NUCB2: variants seen among roughly 807,000 people sequenced by gnomAD.
NUCB2 encodes the protein nucleobindin 2.
A neutral mutation model predicts 57.9 loss-of-function variants in NUCB2; 48 were observed. The observed-to-expected ratio is 0.83, with a 90% CI of 0.66 to 1.05. The LOEUF is 1.05. NUCB2 is among the 50% of genes least tolerant of loss of function. The pLI is 0.00. For synonymous variants in NUCB2, 139 were observed against 152.1 expected (o/e 0.91, Z 0.64); for missense variants, 442 against 476.2 (o/e 0.93, Z 0.67).
At chr11:17,340,291 C>T (rs1423278005) in intron 2 of NUCB2, among the ~76,000 whole-genome samples, 7 of 152,270 alleles carry the variant, frequency 4.6e-5, no homozygotes, top group South Asian at 4.1e-4. Context: ...TTCTCCCATT[C>T]TGTAGGTTGC....
At chr11:17,312,446 CA>C (rs1948633410) in intron 10 of NUCB2, among the ~76,000 whole-genome samples, 1 of 151,594 alleles carries the variant, frequency 6.6e-6, no homozygotes, top group South Asian at 2.1e-4. Context: ...CTCTGTCATC[CA>C]AGTTGGAGTG....
intron 9 of NUCB2, 42 bp downstream of exon 9, chr11:17,311,972 CT>C (rs978386547): frequency 5.8e-6 from 9 of 1,541,342 alleles, no homozygotes; most frequent in South Asian, 1.2e-5. Context: ...TGTTCTCTCT[CT>C]TTTTTTCCTG....
intron 10 of NUCB2, among the ~76,000 whole-genome samples, chr11:17,314,596 A>G (rs1326268076): frequency 6.6e-6 from 1 of 152,164 alleles, no homozygotes; most frequent in East Asian, 1.9e-4. Context: ...GTCTGTGCTC[A>G]AATGTCCATG....
intron 2 of NUCB2, among the ~76,000 whole-genome samples, chr11:17,289,096 A>C (rs965120061): frequency 6.6e-6 from 1 of 151,532 alleles, no homozygotes; most frequent in Non-Finnish European, 1.5e-5. Context: ...AGCTAGGACT[A>C]CAGGCGTGTG....
In NUCB2 at chr11:17,321,537, A is replaced by G. The variant is rs182130462; in HGVS notation, c.1002+6062A>G. On this transcript the variant is annotated intron_variant, in intron 11 of 13. Coordinates refer to ENST00000529010, the MANE Select transcript of NUCB2 (RefSeq NM_005013.4). ...CTTAGCTTGCTTCCAAATCTTAGCT[A>G]TTGTGAACAGTACTACAACAAACAT... Among the ~76,000 whole-genome samples, 355 of 152,254 alleles carry G rather than the reference A, an allele frequency of 2.3e-3. 2 individuals carry two copies. The highest frequency in any genetic ancestry group is 8.1e-3 in the African/African-American group (336 of 41,570).
chr11:17,342,092 G>A (rs984078289), intron 2 of NUCB2, among the ~76,000 whole-genome samples: 6 of 152,182 alleles, frequency 3.9e-5, no homozygotes, highest in African/African-American at 1.4e-4. Flanking sequence ...AGATTTTCTA[G>A]TTTATTTGCA....
chr11:17,308,267 T>C (rs899344622), intron 5 of NUCB2, among the ~76,000 whole-genome samples: 4 of 152,184 alleles, frequency 2.6e-5, no homozygotes, highest in Non-Finnish European at 5.9e-5. Context: ...ATATTTTAGA[T>C]CAAGAGCTGG....
At chr11:17,288,742 A>G (rs1944274337) in intron 2 of NUCB2, among the ~76,000 whole-genome samples, 1 of 149,286 alleles carries the variant, frequency 6.7e-6, no homozygotes, top group South Asian at 2.1e-4. Flanking sequence ...TTTAGTAGAG[A>G]TGGGGTTTCG....
At chr11:17,282,204 A>G (rs370983498) in intron 1 of NUCB2, among the ~76,000 whole-genome samples, 6 of 132,628 alleles carry the variant, frequency 4.5e-5, no homozygotes, top group African/African-American at 1.3e-4. Context: ...CTATATCTAT[A>G]TATCTATATC....
intron 5 of NUCB2, 150 bp downstream of exon 5, chr11:17,302,020 C>A (rs1946833729): frequency 1.7e-6 from 1 of 605,870 alleles, no homozygotes; most frequent in Non-Finnish European, 2.8e-6. Flanking sequence ...CCATCTCAAC[C>A]TCCTGAGTAG....
intron 11 of NUCB2, among the ~76,000 whole-genome samples, chr11:17,325,191 A>G (rs1368350374): frequency 6.6e-6 from 1 of 152,214 alleles, no homozygotes; most frequent in African/African-American, 2.4e-5. Context: ...TTAAGTATCT[A>G]TTAGATCCAT....
At chr11:17,314,110 TCATC>T (rs1487058887) in intron 10 of NUCB2, among the ~76,000 whole-genome samples, 1 of 152,070 alleles carries the variant, frequency 6.6e-6, no homozygotes, top group East Asian at 1.9e-4. Context: ...TCAGGCTAAG[TCATC>T]CTTAACTTCT....
intron 2 of NUCB2, among the ~76,000 whole-genome samples, chr11:17,284,734 A>C (rs1943328949): frequency 1.3e-5 from 2 of 152,156 alleles, no homozygotes; most frequent in South Asian, 4.1e-4. Flanking sequence ...AACGTTATAA[A>C]TCACCTGACT....
At chr11:17,291,838 T>A (rs1378720602) in intron 2 of NUCB2, among the ~76,000 whole-genome samples, 1 of 152,184 alleles carries the variant, frequency 6.6e-6, no homozygotes, top group African/African-American at 2.4e-5. Context: ...TGTCTAGATA[T>A]GAACTTTCTT....
intron 11 of NUCB2, among the ~76,000 whole-genome samples, chr11:17,320,025 T>C (rs910019165): frequency 4.6e-5 from 7 of 152,228 alleles, no homozygotes; most frequent in African/African-American, 1.7e-4. Context: ...TTGCTAGAGA[T>C]ACTGTCCTCC....
intron 11 of NUCB2, among the ~76,000 whole-genome samples, chr11:17,323,419 C>T (rs1950271299): frequency 6.6e-6 from 1 of 152,096 alleles, no homozygotes; most frequent in Admixed American, 6.5e-5. Context: ...AGGGATAAAT[C>T]CCAGTTGGCC....
intron 11 of NUCB2, among the ~76,000 whole-genome samples, chr11:17,325,731 GT>G (rs1310855427): frequency 6.6e-6 from 1 of 151,904 alleles, no homozygotes; most frequent in Non-Finnish European, 1.5e-5. Context: ...TTTTCTGGAT[GT>G]TTTGCTGTCT....
At chr11:17,329,642 G>A (rs1951137622) in intron 11 of NUCB2, among the ~76,000 whole-genome samples, 1 of 152,224 alleles carries the variant, frequency 6.6e-6, no homozygotes, top group South Asian at 2.1e-4. Flanking sequence ...TGTGCTGCAG[G>A]TCTGCCACGA....
At position 17,295,460 on chromosome 11, in the gene NUCB2, A is replaced by AACC; in HGVS notation, c.142_144dup (p.Pro48dup). ...CACCCTGTGGAAAGTGCGAAGATAGAACCACCAGTAAGTGAAATGAAGTGA... is the reference window on the plus strand; with the variant it reads ...CACCCTGTGGAAAGTGCGAAGATAGAACCACCACCAGTAAGTGAAATGAAGTGA... On this transcript the variant is annotated inframe_insertion, in exon 3 of 14. Coordinates refer to ENST00000529010, the MANE Select transcript of NUCB2 (RefSeq NM_005013.4). 1.9e-6 allele frequency: 3 copies of AACC among 1,608,988 alleles called. No homozygotes were observed. The highest frequency in any genetic ancestry group is 2.5e-6 in the Non-Finnish European group (3 of 1,177,478).
Sources: gnomAD v4.1 joint callset for allele counts (sites outside exome capture counted in the v4.1 genomes callset) on GRCh38, gnomAD v4.1.1 for gene constraint, MANE v1.5 for transcripts, NCBI Gene and HGNC (gene_info 2026-07-23, HGNC 2026-07-21) for gene names.